Variants in AK4 observed in about 807,000 individuals in gnomAD.
AK4 encodes adenylate kinase 4, mitochondrial.
A neutral mutation model predicts 24.6 loss-of-function variants in AK4; 13 were observed. That is an observed-to-expected ratio of 0.53 (90% CI 0.34 to 0.84). The LOEUF (loss-of-function observed/expected upper bound fraction) is 0.84. Ranked by LOEUF, AK4 falls within the 40% of genes least tolerant of loss-of-function variation. The pLI is 0.01. For synonymous variants in AK4, 88 were observed against 107.0 expected (o/e 0.82, Z 1.10); for missense variants, 192 against 288.2 (o/e 0.67, Z 2.42).
At chr1:65,156,778 C>T (rs1030165042) in intron 1 of AK4, among the ~76,000 whole-genome samples, 8 of 151,892 alleles carry the variant, frequency 5.3e-5, no homozygotes, top group African/African-American at 1.9e-4. Context: ...AAAAATTAGC[C>T]GGGCGTGGTG....
At chr1:65,182,506 G>A (rs537889218) in intron 1 of AK4, among the ~76,000 whole-genome samples, 9 of 151,398 alleles carry the variant, frequency 5.9e-5, no homozygotes, top group Non-Finnish European at 1.2e-4. Context: ...ATTGAAAAAA[G>A]TATATGACAG....
intron 1 of AK4, among the ~76,000 whole-genome samples, chr1:65,156,156 A>G (rs934013394): frequency 6.6e-6 from 1 of 152,182 alleles, no homozygotes; most frequent in Admixed American, 6.5e-5. Context: ...TTTACTTTTG[A>G]AAAGGTAAAA....
chr1:65,176,951 A>G (rs748873329), intron 1 of AK4, among the ~76,000 whole-genome samples: 5 of 152,226 alleles, frequency 3.3e-5, no homozygotes, highest in Non-Finnish European at 7.3e-5. Flanking sequence ...CACATTACAA[A>G]TTCTTTCATT....
chr1:65,170,387 C>A (rs7530831), intron 1 of AK4, among the ~76,000 whole-genome samples: 22,151 of 146,778 alleles, frequency 0.15, 1,751 homozygotes, highest in Admixed American at 0.28. Context: ...CACACACACA[C>A]AAAAAAAATC....
intron 1 of AK4, among the ~76,000 whole-genome samples, chr1:65,149,371 C>T (rs1369464747): frequency 1.3e-5 from 2 of 152,158 alleles, no homozygotes; most frequent in East Asian, 1.9e-4. Flanking sequence ...GCGTCCCTTT[C>T]CCCCTCTCCT....
chr1:65,226,244 G>A lies in AK4; in HGVS notation c.*67G>A. On this transcript the variant is annotated 3_prime_UTR_variant, in exon 5 of 5. Transcript: ENST00000327299. ...CAATAGTGTGTGTAGTATTGGTGCT[G>A]TGTCCAAATTAGAAGCTAGCTGAGG... is the stretch of plus-strand genomic sequence containing the variant. 7.6e-7 allele frequency: 1 copy of A among 1,312,332 alleles called. No individual in the cohort carries two copies. Among genetic ancestry groups the A allele is most frequent in the Non-Finnish European group, 1.0e-6 (1 of 963,706 alleles). 81.3% of individuals were successfully genotyped at this position (1,312,332 alleles called of 1,614,324 possible).
At chr1:65,205,934 CAT>C (rs1557462378) in intron 2 of AK4, among the ~76,000 whole-genome samples, 1 of 152,066 alleles carries the variant, frequency 6.6e-6, no homozygotes, top group Non-Finnish European at 1.5e-5. Flanking sequence ...CTGTATGTGC[CAT>C]GCACCTGTGC....
rs1652529670 is a variant in AK4, at chr1:65,228,364, A to G, written c.*2187A>G. On this transcript the variant is annotated 3_prime_UTR_variant, in exon 5 of 5. Transcript: ENST00000327299. The stretch of plus-strand genomic sequence containing the variant: ...GGGAAGTGGCCTGATCCCTGCTTCC[A>G]TACTTCACTCCTCCATCCATCCTTC... The G allele has an allele frequency of 6.6e-6, 1 of 151,884 alleles. No individual in the cohort carries two copies. Among genetic ancestry groups the G allele is most frequent in the Non-Finnish European group, 1.5e-5 (1 of 67,992 alleles). 9.4% of individuals were successfully genotyped at this position (151,884 alleles called of 1,614,324 possible). A position where few individuals can be genotyped will look rare whatever the true frequency, so the allele number is the denominator to read the frequency against.
intron 2 of AK4, among the ~76,000 whole-genome samples, chr1:65,210,292 C>T: frequency 6.6e-6 from 1 of 152,162 alleles, no homozygotes; most frequent in East Asian, 1.9e-4. Context: ...ACACCACACT[C>T]GCCCTGAAAG....
intron 2 of AK4, among the ~76,000 whole-genome samples, chr1:65,216,066 T>C (rs1017952304): frequency 3.3e-5 from 5 of 152,224 alleles, no homozygotes; most frequent in Non-Finnish European, 7.3e-5. Context: ...AGGTTGAATT[T>C]ACATCTTCAA....
chr1:65,154,577 A>T (rs768379302), intron 1 of AK4: 8 of 517,694 alleles, frequency 1.5e-5, no homozygotes, highest in Admixed American at 1.4e-4. Flanking sequence ...CTGATCCAGA[A>T]ATGTGGCCTC....
chr1:65,197,337 T>G (rs548513234), intron 2 of AK4, among the ~76,000 whole-genome samples: 1 of 152,356 alleles, frequency 6.6e-6, no homozygotes, highest in East Asian at 1.9e-4. Context: ...CATATGATTT[T>G]AGGGGTAACT....
chr1:65,207,523 C>T (rs762573763), intron 2 of AK4, among the ~76,000 whole-genome samples: 1 of 150,434 alleles, frequency 6.6e-6, no homozygotes. Context: ...GCATAAACTT[C>T]AGTTGCTGAC....
intron 1 of AK4, among the ~76,000 whole-genome samples, chr1:65,152,609 C>T (rs1405500018): frequency 6.6e-6 from 1 of 151,296 alleles, no homozygotes; most frequent in Non-Finnish European, 1.5e-5. Context: ...ACCATTTGGC[C>T]AGGCTGGTCT....
intron 4 of AK4, 88 bp downstream of exon 4, chr1:65,224,958 G>T (rs1228372531): frequency 4.0e-6 from 4 of 1,011,260 alleles, no homozygotes; most frequent in African/African-American, 1.6e-5. Flanking sequence ...AGGCAGAGTA[G>T]TGTTTCTTTA....
intron 1 of AK4, among the ~76,000 whole-genome samples, chr1:65,175,664 C>T (rs1401652370): frequency 7.2e-5 from 11 of 152,144 alleles, no homozygotes; most frequent in Admixed American, 7.2e-4. Context: ...TAAGAAAATC[C>T]AGAGGGCCCC....
intron 2 of AK4, among the ~76,000 whole-genome samples, chr1:65,202,967 C>A (rs901056666): frequency 2.8e-5 from 4 of 140,622 alleles, no homozygotes; most frequent in Admixed American, 7.8e-5. Context: ...AAACTGGGTT[C>A]AAGTGATTGA....
At chr1:65,202,258 G>A (rs1396566211) in intron 2 of AK4, among the ~76,000 whole-genome samples, 3 of 152,202 alleles carry the variant, frequency 2.0e-5, no homozygotes, top group East Asian at 1.9e-4. Context: ...TTAGCCGGGC[G>A]TGGTTGCAGG....
chr1:65,211,856 GAAAAC>G (rs1482058549), intron 2 of AK4, among the ~76,000 whole-genome samples: 1 of 152,152 alleles, frequency 6.6e-6, no homozygotes, highest in Non-Finnish European at 1.5e-5. Context: ...TATTCTGAAG[GAAAAC>G]AAAAAGAAAA....
Sources: gnomAD v4.1 joint callset for allele counts (sites outside exome capture counted in the v4.1 genomes callset) on GRCh38, gnomAD v4.1.1 for gene constraint, MANE v1.5 for transcripts, NCBI Gene and HGNC (gene_info 2026-07-23, HGNC 2026-07-21) for gene names.